The following IARS1 variants were observed in gnomAD, a reference collection of about 807,000 sequenced individuals.
IARS1 encodes the protein isoleucine--tRNA ligase, cytoplasmic.
In IARS1, 124 loss-of-function variants were observed where a neutral mutation model predicts 168.2. The ratio of observed to expected loss-of-function variants is 0.74; its 90% CI spans 0.64 to 0.86. IARS1 has a LOEUF of 0.86. IARS1 is among the 40% of genes least tolerant of loss of function. IARS1 has a pLI of 0.00. For missense variants in IARS1, 1,452 were observed against 1,515.8 expected (o/e 0.96, Z 0.70); for synonymous variants, 532 against 529.4 (o/e 1.00, Z -0.07).
intron 10 of IARS1, 37 bp from the exon 11 acceptor site, chr9:92,271,692 T>C (rs759191438): frequency 3.1e-5 from 50 of 1,610,396 alleles, no homozygotes; most frequent in Non-Finnish European, 4.2e-5. Flanking sequence ...AATAAAACAG[T>C]CTATGTATGG....
At position 92,251,803 on chromosome 9, in the gene IARS1, CT is replaced by C; in HGVS notation, c.2307+4del. The stretch of plus-strand genomic sequence containing the variant: ...AGGGTACTAGAAAGAAGCCAATCAT[CT>C]TACCATAAGTCTGCAAAGAGAAAGC... On this transcript the variant is annotated splice_donor_region_variant and intron_variant, in intron 22 of 33. Coordinates refer to ENST00000443024, the MANE Select transcript of IARS1 (RefSeq NM_002161.6). 6.2e-7 allele frequency: 1 copy of C among 1,612,110 alleles called. No individual in the cohort carries two copies. The highest frequency in any genetic ancestry group is 8.5e-7 in the Non-Finnish European group (1 of 1,178,186).
chr9:92,242,315 T>C lies in IARS1; in HGVS notation c.3016A>G (p.Thr1006Ala), dbSNP rs750709544. The change falls in exon 29 of 34, where the codon ACT becomes GCT. Residue 1006 changes from threonine to alanine, a missense_variant. By Grantham distance (58) the Thr-to-Ala change is moderately conservative. Transcript: ENST00000443024. The stretch of plus-strand genomic sequence containing the variant: ...TTATAGTACACTGTGATTTCATCAG[T>C]TGGAACCAGATTGCACTGAAAACAC... ...KLRKKCNLVP[T>A]DEITVYYKAK... is the part of the protein sequence containing the mutation. 6.2e-7 allele frequency: 1 copy of C among 1,612,702 alleles called. No individual in the cohort carries two copies. Among genetic ancestry groups the C allele is most frequent in the Admixed American group, 1.7e-5 (1 of 59,646 alleles).
chr9:92,245,116 C>T, intron 26 of IARS1, 45 bp from the exon 27 acceptor site: 1 of 1,464,434 alleles, frequency 6.8e-7, no homozygotes, highest in Non-Finnish European at 9.6e-7. Context: ...CCCTCCTCTT[C>T]AAGCTGCCCC....
intron 31 of IARS1, among the ~76,000 whole-genome samples, chr9:92,226,299 T>C (rs1310498459): frequency 1.3e-5 from 2 of 152,246 alleles, no homozygotes; most frequent in African/African-American, 4.8e-5. Context: ...GTTCCCATTA[T>C]GCAATATCCC....
intron 27 of IARS1, 137 bp downstream of exon 27, chr9:92,244,822 C>T: frequency 1.6e-6 from 1 of 627,326 alleles, no homozygotes; most frequent in Non-Finnish European, 2.8e-6. Context: ...TTTAATAAAG[C>T]CAATCTAAAC....
At chr9:92,242,579 T>G (rs183043780) in intron 28 of IARS1, 234 of 456,244 alleles carry the variant, frequency 5.1e-4, no homozygotes, top group Non-Finnish European at 2.3e-5. Context: ...ACCTCATGAA[T>G]GTTGAAACCA....
At chr9:92,222,946 G>C (rs1256380171) in intron 32 of IARS1, among the ~76,000 whole-genome samples, 2 of 151,854 alleles carry the variant, frequency 1.3e-5, no homozygotes, top group Non-Finnish European at 2.9e-5. Flanking sequence ...TGAGGAGCCC[G>C]AAGACTTCAG....
intron 19 of IARS1, 88 bp downstream of exon 19, chr9:92,258,766 G>T: frequency 7.4e-7 from 1 of 1,356,350 alleles, no homozygotes; most frequent in Non-Finnish European, 9.9e-7. Flanking sequence ...CAGCCCTAAA[G>T]TCTCACACAG....
At position 92,242,204 on chromosome 9, in the gene IARS1, G is replaced by A. The variant is rs1828529212; in HGVS notation, c.3127C>T (p.Pro1043Ser). The A allele has an allele frequency of 1.9e-6, 3 of 1,614,100 alleles. No homozygotes were observed. The highest frequency in any genetic ancestry group is 2.5e-6 in the Non-Finnish European group (3 of 1,179,952). ...TTATCCGATGGAGAAACTGGATATG[G>A]TTTCAAGGGAGCCTTTATGGTGGTA... ...IFTTIKAPLKPYPVSPSDKVL... is the reference protein window; with the variant it reads ...IFTTIKAPLKSYPVSPSDKVL... The change falls in exon 29 of 34, where the codon CCA becomes TCA. Residue 1043 changes from proline to serine, a missense_variant. Transcript: ENST00000443024.
rs976161529 is a variant in IARS1 at position 92,266,594 on chromosome 9, T to C, written c.1432-1041A>G. On this transcript the variant is annotated intron_variant, in intron 14 of 33. Transcript: ENST00000443024. ...TCCCCAGTGTGGCAGTATTGACAGATGGAGCCCGATGGGAGGCATCTGGGT... is the reference window on the plus strand; with the variant it reads ...TCCCCAGTGTGGCAGTATTGACAGACGGAGCCCGATGGGAGGCATCTGGGT... Among the ~76,000 whole-genome samples, 3 of 152,242 alleles carry C rather than the reference T, an allele frequency of 2.0e-5. No individual in the cohort carries two copies. In the East Asian group the frequency reaches 5.8e-4, roughly 29 times the overall value.
chr9:92,220,940 C>T (rs535595624), intron 33 of IARS1, among the ~76,000 whole-genome samples: 46 of 151,976 alleles, frequency 3.0e-4, no homozygotes, highest in African/African-American at 8.7e-4. Flanking sequence ...CTGCAGCCTG[C>T]GTGACAGAAC....
In IARS1 at chr9:92,285,906, C is replaced by T. The variant is rs552696121; in HGVS notation, c.480-67G>A. The T allele has an allele frequency of 3.4e-5, 31 of 914,008 alleles. No individual in the cohort carries two copies. The African/African-American group carries it at 4.3e-4, about 13-fold the overall frequency. The allele number at this position is 914,008 out of a possible 1,614,324, so 56.6% of individuals were successfully genotyped here. ...ATTTCTGAAAATGCAAACATTTATGCCATTTTCTTTTTAGAGTTTCTGTCT... is the reference window on the plus strand; with the variant it reads ...ATTTCTGAAAATGCAAACATTTATGTCATTTTCTTTTTAGAGTTTCTGTCT... On this transcript the variant is annotated intron_variant, in intron 5 of 33. Transcript: ENST00000443024.
intron 14 of IARS1, 73 bp downstream of exon 14, chr9:92,268,101 T>C: frequency 1.4e-6 from 2 of 1,474,022 alleles, no homozygotes; most frequent in Non-Finnish European, 1.8e-6. Flanking sequence ...CCTATTCTTT[T>C]AAACCACATT....
At chr9:92,250,588 G>T in intron 23 of IARS1, 125 bp downstream of exon 23, 2 of 1,114,050 alleles carry the variant, frequency 1.8e-6, no homozygotes, top group East Asian at 2.6e-5. Flanking sequence ...AGGAGTTCAT[G>T]TCAGCTGGGG....
At chr9:92,289,525 T>C in intron 1 of IARS1, 99 bp from the exon 2 acceptor site, 1 of 673,950 alleles carries the variant, frequency 1.5e-6, no homozygotes, top group East Asian at 2.6e-5. Context: ...ATCCATACTT[T>C]TAAAAAATTA....
chr9:92,252,402 G>GT (rs557810972), intron 21 of IARS1: 3 of 515,002 alleles, frequency 5.8e-6, no homozygotes, highest in Non-Finnish European at 1.2e-5. Context: ...TTCTAGATAC[G>GT]TGTGTGTGAG....
chr9:92,242,026 A>G, intron 29 of IARS1, 128 bp downstream of exon 29: 1 of 724,492 alleles, frequency 1.4e-6, no homozygotes, highest in Non-Finnish European at 2.4e-6. Flanking sequence ...ACTACTGTCC[A>G]GAGCAATACT....
At chr9:92,286,235 C>T (rs757314925) in intron 5 of IARS1, 31 of 290,024 alleles carry the variant, frequency 1.1e-4, no homozygotes, top group Non-Finnish European at 1.6e-4. Context: ...AGCATGGTGG[C>T]GGGCGCCTGT....
chr9:92,279,281 TCA>T (rs1834181351), intron 7 of IARS1, among the ~76,000 whole-genome samples: 1 of 152,192 alleles, frequency 6.6e-6, no homozygotes, highest in African/African-American at 2.4e-5. Context: ...CTGATAAAGC[TCA>T]GATACAAAGT....
Sources: gnomAD v4.1 joint callset for allele counts (sites outside exome capture counted in the v4.1 genomes callset) on GRCh38, gnomAD v4.1.1 for gene constraint, MANE v1.5 for transcripts, NCBI Gene and HGNC (gene_info 2026-07-23, HGNC 2026-07-21) for gene names.